The following TPM4 variants were observed in gnomAD, a reference collection of about 807,000 sequenced individuals.
TPM4 encodes tropomyosin 4.
Under a neutral mutation model 35.8 loss-of-function variants are expected in TPM4, and 17 were observed. That is an observed-to-expected ratio of 0.47 (90% CI 0.32 to 0.71). TPM4 has a LOEUF of 0.71. Among genes scored for constraint, TPM4 ranks in the 30% least tolerant of loss-of-function variants. The pLI is 0.03. For missense variants in TPM4, 240 were observed against 320.9 expected, an observed-to-expected ratio of 0.75 and a Z score of 1.93; for synonymous variants, 120 against 122.9, an observed-to-expected ratio of 0.98 and a Z score of 0.15.
At chr19:16,076,003 A>ACCCC (rs139298941), upstream of TPM4, 36 of 1,407,444 alleles carry the variant, frequency 2.6e-5, no homozygotes, top group African/African-American at 4.9e-4. Flanking sequence ...CGGGGACGTG[A>ACCCC]CCCCCCCCCC....
intron 1 of TPM4, among the ~76,000 whole-genome samples, chr19:16,079,192 C>T (rs2144924230): frequency 6.6e-6 from 1 of 152,276 alleles, no homozygotes; most frequent in Admixed American, 6.5e-5. Flanking sequence ...TCAGAATTTC[C>T]CACATAAGGG....
chr19:16,068,107 G>C (rs1226840779), intron 2 of TPM4: 3 of 266,690 alleles, frequency 1.1e-5, no homozygotes, highest in Non-Finnish European at 1.9e-5. Context: ...TTGAGCGTAT[G>C]TGTGTGTACG....
rs142249343 is a variant in TPM4 at position 16,089,337 on chromosome 19, T to C, written c.531+217T>C. Among the ~76,000 whole-genome samples the C allele has an allele frequency of 8.1e-4, 124 of 152,246 alleles. 1 individual carries two copies. The highest frequency in any genetic ancestry group is 2.8e-3 in the African/African-American group (118 of 41,540). On this transcript the variant is annotated intron_variant, in intron 5 of 7. Coordinates refer to ENST00000643579, the MANE Select transcript of TPM4 (RefSeq NM_003290.3). ...TGGGGTCTGAGCACCATCTTTGATC[T>C]CCATCTCAGGAGGATAGAGATAGAA...
In TPM4 at chr19:16,102,288, G is replaced by C. The variant is rs911808930; in HGVS notation, c.*942G>C. The stretch of plus-strand genomic sequence containing the variant: ...CAGGAAGTGGAGACTGCAGTGAGCC[G>C]ATATCGCACCACAGCGCTCCAGCCT... On this transcript the variant is annotated 3_prime_UTR_variant, in exon 8 of 8. Coordinates refer to ENST00000643579, the MANE Select transcript of TPM4 (RefSeq NM_003290.3). The C allele has an allele frequency of 6.2e-5, 12 of 193,268 alleles. No individual in the cohort carries two copies. The highest frequency in any genetic ancestry group is 1.2e-4 in the Non-Finnish European group (11 of 92,670). 12.0% of individuals were successfully genotyped at this position (193,268 alleles called of 1,614,324 possible). A position where few individuals can be genotyped will look rare whatever the true frequency, so the allele number is the denominator to read the frequency against.
At chr19:16,099,149 G>A (rs948494575) in intron 7 of TPM4, among the ~76,000 whole-genome samples, 2 of 151,732 alleles carry the variant, frequency 1.3e-5, no homozygotes, top group African/African-American at 2.4e-5. Context: ...ACGCAATCTC[G>A]GCTCACTGCA....
At position 16,101,918 on chromosome 19, in the gene TPM4, C is replaced by T. The variant is rs568613626; in HGVS notation, c.*572C>T. On this transcript the variant is annotated 3_prime_UTR_variant, in exon 8 of 8. Coordinates refer to ENST00000643579, the MANE Select transcript of TPM4 (RefSeq NM_003290.3). ...AATCCTGGCCCTTCTCCACTCTCCA[C>T]CATGCAGGACAAACATCTTCTCAAG... The T allele has an allele frequency of 4.4e-6, 1 of 225,588 alleles. No individual in the cohort carries two copies. The highest frequency in any genetic ancestry group is 1.8e-4 in the South Asian group (1 of 5,468). 14.0% of individuals were successfully genotyped at this position (225,588 alleles called of 1,614,324 possible). A position where few individuals can be genotyped will look rare whatever the true frequency, so the allele number is the denominator to read the frequency against.
intron 2 of TPM4, among the ~76,000 whole-genome samples, chr19:16,082,727 C>T (rs920466269): frequency 2.0e-5 from 3 of 152,080 alleles, no homozygotes; most frequent in Admixed American, 6.6e-5. Flanking sequence ...TGCAGTGATT[C>T]CTGCCTGTGC....
chr19:16,100,095 G>A (rs2090747764), intron 7 of TPM4: 2 of 152,140 alleles, frequency 1.3e-5, no homozygotes, highest in South Asian at 4.1e-4. Flanking sequence ...GTAGCAGCAC[G>A]TCATAGGTTC....
In TPM4 at chr19:16,080,813, A is replaced by C. The variant is rs1306335234; in HGVS notation, c.133-1100A>C. 5.9e-5 allele frequency: 22 copies of C among 375,614 alleles called. No individual in the cohort carries two copies. The East Asian group carries it at 7.8e-4, about 13-fold the overall frequency. The allele number at this position is 375,614 out of a possible 1,614,324, so 23.3% of individuals were successfully genotyped here. A position where few individuals can be genotyped will look rare whatever the true frequency, so the allele number is the denominator to read the frequency against. Reference sequence around the variant, plus strand: ...GACGGCGCAAGACTCCATCTCAAAAAAAAAATTAAAAAGAAAATGACAAAG... The same window carrying C: ...GACGGCGCAAGACTCCATCTCAAAACAAAAATTAAAAAGAAAATGACAAAG... On this transcript the variant is annotated intron_variant, in intron 1 of 7. Coordinates refer to ENST00000643579, the MANE Select transcript of TPM4 (RefSeq NM_003290.3).
chr19:16,085,225 C>T (rs186821959), intron 2 of TPM4, among the ~76,000 whole-genome samples: 2 of 152,180 alleles, frequency 1.3e-5, no homozygotes, highest in East Asian at 3.9e-4. Flanking sequence ...TACACTCCAG[C>T]CTGGGCAACA....
intron 3 of TPM4, 137 bp from the exon 4 acceptor site, chr19:16,087,890 A>C: frequency 1.1e-6 from 1 of 916,844 alleles, no homozygotes; most frequent in Non-Finnish European, 1.7e-6. Context: ...CCCTGCAAAA[A>C]AAAGAAACAC....
At chr19:16,101,162 C>T in intron 7 of TPM4, 102 bp from the exon 8 acceptor site, 1 of 979,756 alleles carries the variant, frequency 1.0e-6, no homozygotes, top group Non-Finnish European at 1.5e-6. Context: ...CAGAATGAGA[C>T]CCTGTCTCAA....
intron 2 of TPM4, among the ~76,000 whole-genome samples, chr19:16,086,200 A>G (rs1212644249): frequency 6.6e-6 from 1 of 151,914 alleles, no homozygotes; most frequent in Non-Finnish European, 1.5e-5. Flanking sequence ...GTCTCACGCA[A>G]TTAGCCAGAC....
At chr19:16,069,339 T>C (rs1599355205) in intron 2 of TPM4, among the ~76,000 whole-genome samples, 1 of 149,280 alleles carries the variant, frequency 6.7e-6, no homozygotes, top group African/African-American at 2.5e-5. Flanking sequence ...GTGTGTATGG[T>C]TGTGTGTTTC....
In TPM4 at chr19:16,070,627, C is replaced by T. The variant is rs1051196369; in HGVS notation, c.114+2889C>T. Among the ~76,000 whole-genome samples the T allele has an allele frequency of 6.6e-6, 1 of 152,198 alleles. No homozygotes were observed. Among genetic ancestry groups the T allele is most frequent in the Non-Finnish European group, 1.5e-5 (1 of 68,020 alleles). On this transcript the variant is annotated intron_variant, in intron 2 of 2. Transcript: ENST00000589897. The surrounding 1 kb of genome is among the most constrained non-coding windows in gnomAD (Gnocchi z 7.4). ...GTGACAGTAGGGCCTCCCTTGCCACCCCATGACAGGATTAGAGGTGACTGT... is the reference window on the plus strand; with the variant it reads ...GTGACAGTAGGGCCTCCCTTGCCACTCCATGACAGGATTAGAGGTGACTGT...
intron 7 of TPM4, chr19:16,095,621 T>C: frequency 9.9e-7 from 1 of 1,006,690 alleles, no homozygotes; most frequent in Non-Finnish European, 1.2e-6. Context: ...CACTCACAAA[T>C]GAAAAGCTTA....
At chr19:16,082,813 G>A (rs1438263942) in intron 2 of TPM4, among the ~76,000 whole-genome samples, 2 of 151,984 alleles carry the variant, frequency 1.3e-5, no homozygotes, top group African/African-American at 4.8e-5. Context: ...GCAATGTGGT[G>A]AGACCCTGTC....
intron 7 of TPM4, chr19:16,095,661 G>A (rs1430944159): frequency 1.1e-6 from 1 of 942,744 alleles, no homozygotes. Context: ...CCTACAGGAT[G>A]CTTTTCTGAA....
rs942164436 is a variant in TPM4, at chr19:16,102,020, TTGATG to T, written c.*681_*685del. On this transcript the variant is annotated 3_prime_UTR_variant, in exon 8 of 8. Transcript: ENST00000643579. ...TTAATAGATGGTAATTAATTGATCC[TTGATG>T]TGATGTTCTTTTGCATATTTCCTTC... 7.0e-5 allele frequency: 15 copies of T among 213,362 alleles called. No individual in the cohort carries two copies. Among genetic ancestry groups the T allele is most frequent in the African/African-American group, 3.2e-4 (14 of 44,200 alleles). 13.2% of individuals were successfully genotyped at this position (213,362 alleles called of 1,614,324 possible).
Sources: allele counts gnomAD v4.1 joint callset (sites outside exome capture counted in the v4.1 genomes callset), GRCh38; gene constraint gnomAD v4.1.1; non-coding constraint Gnocchi (gnomAD v3.1); transcripts MANE v1.5; gene names NCBI Gene and HGNC (gene_info 2026-07-23, HGNC 2026-07-21).